The following CCDC92 variants were observed in gnomAD, a reference collection of about 807,000 sequenced individuals.
CCDC92 encodes the protein coiled-coil domain containing 92.
In CCDC92, 12 loss-of-function variants were observed where a neutral mutation model predicts 24.9. The observed-to-expected ratio is 0.48, with a 90% CI of 0.31 to 0.78. The LOEUF is 0.78. Ranked by LOEUF, CCDC92 falls within the 30% of genes least tolerant of loss-of-function variation. CCDC92 has a pLI of 0.05. For synonymous variants in CCDC92, 193 were observed against 196.3 expected (o/e 0.98, Z 0.14); for missense variants, 399 against 439.4 (o/e 0.91, Z 0.82).
chr12:123,941,712 T>C (rs1454293653), intron 4 of CCDC92, among the ~76,000 whole-genome samples: 1 of 152,238 alleles, frequency 6.6e-6, no homozygotes, highest in Non-Finnish European at 1.5e-5. Context: ...CCCTGGACCA[T>C]AGTGCATGCT....
In CCDC92 at chr12:123,935,837, C is replaced by T. The variant is rs774624391; in HGVS notation, c.*1221G>A. 3 of 185,718 alleles carry T rather than the reference C, an allele frequency of 1.6e-5. No individual in the cohort carries two copies. Among genetic ancestry groups the T allele is most frequent in the Non-Finnish European group, 3.4e-5 (3 of 88,830 alleles). The allele number at this position is 185,718 out of a possible 1,614,324, so 11.5% of individuals were successfully genotyped here. ...AATGTAATTTCCAAAGGTGTGTTTT[C>T]GATGATCCAGGTCTGTTTCAGCAGA... On this transcript the variant is annotated 3_prime_UTR_variant, in exon 5 of 5. Transcript: ENST00000238156.
chr12:123,968,833 C>T (rs1434565076), intron 1 of CCDC92, among the ~76,000 whole-genome samples: 1 of 152,208 alleles, frequency 6.6e-6, no homozygotes. Flanking sequence ...AACTCATCTG[C>T]TAGAGAACGA....
At chr12:123,948,836 CA>C (rs1955949953) in intron 1 of CCDC92, among the ~76,000 whole-genome samples, 1 of 152,180 alleles carries the variant, frequency 6.6e-6, no homozygotes, top group East Asian at 1.9e-4. Context: ...TTTCTGAGGG[CA>C]AAAGAGTTTT....
intron 3 of CCDC92, 113 bp from the exon 4 acceptor site, chr12:123,942,898 G>T: frequency 1.2e-6 from 1 of 856,946 alleles, no homozygotes; most frequent in South Asian, 1.4e-5. Context: ...TACCCAGACA[G>T]AGCAGGGTTT....
intron 1 of CCDC92, among the ~76,000 whole-genome samples, chr12:123,950,488 G>A (rs1368548368): frequency 6.6e-6 from 1 of 152,208 alleles, no homozygotes; most frequent in African/African-American, 2.4e-5. Flanking sequence ...AAGGTTCCTA[G>A]GAAGCTGGGT....
At chr12:123,958,350 G>A (rs1221069274) in intron 1 of CCDC92, among the ~76,000 whole-genome samples, 1 of 152,196 alleles carries the variant, frequency 6.6e-6, no homozygotes, top group Non-Finnish European at 1.5e-5. Context: ...ACCACGCCCG[G>A]CCAATTAAAC....
rs200979183 is a variant in CCDC92, at chr12:123,937,203, G to A, written c.851C>T (p.Pro284Leu). 160 of 1,609,586 alleles carry A rather than the reference G, an allele frequency of 9.9e-5. 1 individual carries two copies. In the East Asian group the frequency reaches 1.7e-3, roughly 17 times the overall value. The change falls in exon 5 of 5, where the codon CCG (proline) becomes CTG (leucine). Residue 284 changes from proline (P) to leucine (L), a missense_variant. Coordinates refer to ENST00000238156, the MANE Select transcript of CCDC92 (RefSeq NM_025140.3). This position sits in a 1 kb window ranked among gnomAD's most constrained non-coding sequence, Gnocchi z 8.4. Reference protein sequence around the residue: ...GEQHSPAREKPHKAHVGVAHR... With the variant: ...GEQHSPAREKLHKAHVGVAHR... ...TGCCACCCCGACGTGGGCCTTGTGC[G>A]GCTTTTCGCGGGCCGGGCTGTGCTG...
chr12:123,941,958 GAC>G (rs1201722150), intron 4 of CCDC92, among the ~76,000 whole-genome samples: 1 of 152,234 alleles, frequency 6.6e-6, no homozygotes, highest in Non-Finnish European at 1.5e-5. Context: ...CTCGTGGTAA[GAC>G]TGCTGGCGAG....
rs1214881459 is a variant in CCDC92, at chr12:123,937,541, G to A, written c.513C>T (p.Ser171=). Residue 171 remains serine, a synonymous_variant, in exon 5 of 5, where the codon AGC becomes AGT. Coordinates refer to ENST00000238156, the MANE Select transcript of CCDC92 (RefSeq NM_025140.3). This position sits in a 1 kb window ranked among gnomAD's most constrained non-coding sequence, Gnocchi z 8.4. ...GGCTGGCATCTGAGGTCCCGCTGGA[G>A]CTCATGAGCTTCTTCTTGGCGGCGT... ...QLHAAKKKLM[S]SSGTSDASPS... The A allele has an allele frequency of 3.1e-6, 5 of 1,612,366 alleles. No homozygotes were observed. The highest frequency in any genetic ancestry group is 4.2e-6 in the Non-Finnish European group (5 of 1,180,036).
intron 1 of CCDC92, chr12:123,971,324 T>C (rs902858390): frequency 6.6e-6 from 1 of 152,102 alleles, no homozygotes; most frequent in Admixed American, 6.5e-5. Flanking sequence ...ATTACATACA[T>C]TTCAAAACAT....
chr12:123,955,358 C>A (rs1018983211), intron 1 of CCDC92, among the ~76,000 whole-genome samples: 2 of 152,192 alleles, frequency 1.3e-5, no homozygotes, highest in Non-Finnish European at 2.9e-5. Flanking sequence ...TAATTGTCTA[C>A]TAGTTGATAA....
chr12:123,943,911 C>T (rs555050542), intron 2 of CCDC92: 20 of 451,288 alleles, frequency 4.4e-5, no homozygotes, highest in African/African-American at 2.2e-4. Flanking sequence ...GTCCTCTCCA[C>T]GCACCACCTC....
chr12:123,962,169 T>C (rs542963771), intron 1 of CCDC92, among the ~76,000 whole-genome samples: 1 of 152,044 alleles, frequency 6.6e-6, no homozygotes, highest in African/African-American at 2.4e-5. Flanking sequence ...AAAAAAAAAA[T>C]CAGAATAAGA....
chr12:123,943,269 G>A, intron 3 of CCDC92, 78 bp downstream of exon 3: 1 of 1,513,264 alleles, frequency 6.6e-7, no homozygotes, highest in Non-Finnish European at 9.0e-7. Flanking sequence ...GGCAGGGCAG[G>A]CCTAGCACAT....
intron 3 of CCDC92, 68 bp downstream of exon 3, chr12:123,943,279 T>C (rs958979210): frequency 1.1e-5 from 17 of 1,561,242 alleles, no homozygotes; most frequent in Non-Finnish European, 1.5e-5. Context: ...GCCTAGCACA[T>C]TCTGACGCTG....
chr12:123,951,854 G>A (rs1251023023), intron 1 of CCDC92, among the ~76,000 whole-genome samples: 1 of 152,184 alleles, frequency 6.6e-6, no homozygotes, highest in African/African-American at 2.4e-5. Context: ...GCAGTGAGGT[G>A]GTTTTCTAAG....
chr12:123,939,288 C>G (rs2137869310), intron 4 of CCDC92, among the ~76,000 whole-genome samples: 1 of 152,324 alleles, frequency 6.6e-6, no homozygotes, highest in South Asian at 2.1e-4. Flanking sequence ...ATTTTCCCAC[C>G]TGCCTGAGCT....
intron 1 of CCDC92, chr12:123,968,418 G>A (rs943359106): frequency 1.3e-5 from 2 of 152,144 alleles, no homozygotes; most frequent in African/African-American, 4.8e-5. Context: ...CCTTGAAAAT[G>A]CTGCTTTCTA....
intron 4 of CCDC92, among the ~76,000 whole-genome samples, chr12:123,941,926 G>A (rs7980102): frequency 0.02 from 3,038 of 152,320 alleles, 91 homozygotes; most frequent in African/African-American, 0.07. Context: ...AAATGTCCTC[G>A]TCTCCTTTGT....
Sources: gnomAD v4.1 joint callset for allele counts (sites outside exome capture counted in the v4.1 genomes callset) on GRCh38, gnomAD v4.1.1 for gene constraint, Gnocchi (gnomAD v3.1) non-coding constraint, MANE v1.5 for transcripts, NCBI Gene and HGNC (gene_info 2026-07-23, HGNC 2026-07-21) for gene names.